Variants in FKBP9 observed in about 807,000 individuals in gnomAD.
FKBP9 encodes FKBP prolyl isomerase 9.
In FKBP9, 27 loss-of-function variants were observed where a neutral mutation model predicts 55.6. That is an observed-to-expected ratio of 0.49 (90% CI 0.36 to 0.67). FKBP9 has a LOEUF of 0.67. FKBP9 is among the 30% of genes least tolerant of loss of function. The pLI, the probability that FKBP9 is intolerant of heterozygous loss-of-function variation, is 0.00. For synonymous variants in FKBP9, 267 were observed against 296.5 expected (o/e 0.90, Z 1.02); for missense variants, 539 against 742.8 (o/e 0.73, Z 3.19).
chr7:32,970,812 G>T (rs1784237102), intron 1 of FKBP9, among the ~76,000 whole-genome samples: 1 of 151,956 alleles, frequency 6.6e-6, no homozygotes, highest in South Asian at 2.1e-4. Flanking sequence ...TATATATAAA[G>T]TTATTTTGTC....
chr7:32,981,426 G>T (rs557978283), intron 5 of FKBP9, among the ~76,000 whole-genome samples: 2 of 152,166 alleles, frequency 1.3e-5, no homozygotes, highest in Non-Finnish European at 2.9e-5. Context: ...ATCAGCCATG[G>T]CCTGCAATTG....
intron 6 of FKBP9, chr7:32,994,934 T>C (rs1440361788): frequency 5.9e-6 from 1 of 170,840 alleles, no homozygotes; most frequent in East Asian, 1.1e-4. Flanking sequence ...TGTTATTCTC[T>C]TGAATAAGTA....
At position 32,988,869 on chromosome 7, in the gene FKBP9, C is replaced by T. The variant is rs1390152848; in HGVS notation, c.1039+217C>T. The T allele has an allele frequency of 2.0e-5, 10 of 512,090 alleles. No homozygotes were observed. The East Asian group carries it at 2.6e-4, about 13-fold the overall frequency. The allele number at this position is 512,090 out of a possible 1,614,324, so 31.7% of individuals were successfully genotyped here. On this transcript the variant is annotated intron_variant, in intron 6 of 9. Coordinates refer to ENST00000242209, the MANE Select transcript of FKBP9 (RefSeq NM_007270.5). ...TCAGCCTTCAGAGTAGCTGGCACTA[C>T]AGGCACGCACCACCACACCCTGCAC...
Position 32,957,445 on chromosome 7 carries a change from G to A in FKBP9, c.-129G>A. 2 of 633,674 alleles carry A rather than the reference G, an allele frequency of 3.2e-6. No homozygotes were observed. The highest frequency in any genetic ancestry group is 4.6e-6 in the Non-Finnish European group (2 of 434,638). 39.3% of individuals were successfully genotyped at this position (633,674 alleles called of 1,614,324 possible). A position where few individuals can be genotyped will look rare whatever the true frequency, so the allele number is the denominator to read the frequency against. On this transcript the variant is annotated 5_prime_UTR_variant, in exon 1 of 10. Coordinates refer to ENST00000242209, the MANE Select transcript of FKBP9 (RefSeq NM_007270.5). ...CGGGAGGGCGGGCGGCCGGGGAGAC[G>A]GGGTGGCGGCTGCAGCCCGGGTAGG...
chr7:32,966,190 C>CAA (rs60022113), intron 1 of FKBP9, among the ~76,000 whole-genome samples: 2,418 of 77,014 alleles, frequency 0.031, 134 homozygotes, highest in African/African-American at 0.098. Flanking sequence ...GACGCCATCT[C>CAA]AAAAAAAAAA....
intron 1 of FKBP9, among the ~76,000 whole-genome samples, chr7:32,962,035 A>G (rs943362749): frequency 2.0e-5 from 3 of 152,116 alleles, no homozygotes; most frequent in Admixed American, 6.5e-5. Context: ...CCGGTCATGG[A>G]AAAAGTGAAT....
intron 4 of FKBP9, among the ~76,000 whole-genome samples, chr7:32,976,826 T>C (rs1417434363): frequency 6.6e-6 from 1 of 152,176 alleles, no homozygotes; most frequent in Non-Finnish European, 1.5e-5. Context: ...TGTCTGATGA[T>C]TGAGTTGCAG....
intron 9 of FKBP9, among the ~76,000 whole-genome samples, chr7:33,003,886 T>C (rs1784979831): frequency 6.6e-6 from 1 of 152,086 alleles, no homozygotes; most frequent in South Asian, 2.1e-4. Flanking sequence ...TCTGGATTTG[T>C]AGCTCCAGTC....
intron 5 of FKBP9, among the ~76,000 whole-genome samples, chr7:32,986,137 C>T (rs1329210147): frequency 6.6e-6 from 1 of 152,204 alleles, no homozygotes; most frequent in Admixed American, 6.5e-5. Flanking sequence ...CCCACCCCGC[C>T]ACTCCGTCTC....
In FKBP9 at chr7:33,006,482, T is replaced by C. The variant is rs565365373; in HGVS notation, c.*1131T>C. 2.5e-5 allele frequency: 5 copies of C among 201,926 alleles called. No homozygotes were observed. Among genetic ancestry groups the C allele is most frequent in the South Asian group, 1.9e-4 (1 of 5,224 alleles). 12.5% of individuals were successfully genotyped at this position (201,926 alleles called of 1,614,324 possible). On this transcript the variant is annotated 3_prime_UTR_variant, in exon 10 of 10. Transcript: ENST00000242209. Reference sequence around the variant, plus strand: ...TCTTTTTTATCTTCCCTGAACCATATTGATGAGATAAATAGGGCTGGGGGC... The same window carrying C: ...TCTTTTTTATCTTCCCTGAACCATACTGATGAGATAAATAGGGCTGGGGGC...
At chr7:32,986,337 C>G (rs548719148) in intron 5 of FKBP9, among the ~76,000 whole-genome samples, 35 of 152,368 alleles carry the variant, frequency 2.3e-4, no homozygotes, top group Admixed American at 7.8e-4. Flanking sequence ...CTTGGTGTCC[C>G]TTTGTCGGGA....
intron 6 of FKBP9, among the ~76,000 whole-genome samples, chr7:32,992,330 C>T (rs1784701279): frequency 6.8e-6 from 1 of 146,328 alleles, no homozygotes; most frequent in South Asian, 2.2e-4. Flanking sequence ...CAGAGGAAAC[C>T]CACCCCCCGC....
At chr7:32,976,704 C>T (rs1326984754) in intron 4 of FKBP9, among the ~76,000 whole-genome samples, 1 of 152,094 alleles carries the variant, frequency 6.6e-6, no homozygotes, top group African/African-American at 2.4e-5. Flanking sequence ...TTTTAGGTAC[C>T]CAATAGCCTC....
intron 1 of FKBP9, among the ~76,000 whole-genome samples, chr7:32,968,427 C>G (rs1257737422): frequency 6.6e-6 from 1 of 152,130 alleles, no homozygotes; most frequent in Admixed American, 6.6e-5. Flanking sequence ...TTTTCTAGAG[C>G]AAGTACATTT....
chr7:32,965,843 A>ATATATATGTG (rs1309792242), intron 1 of FKBP9, among the ~76,000 whole-genome samples: 4 of 41,412 alleles, frequency 9.7e-5, no homozygotes, highest in African/African-American at 3.9e-4. Flanking sequence ...ATATATATAT[A>ATATATATGTG]TGTGTGTACA....
intron 7 of FKBP9, among the ~76,000 whole-genome samples, chr7:32,996,929 G>A (rs2127988351): frequency 6.6e-6 from 1 of 150,512 alleles, no homozygotes; most frequent in Non-Finnish European, 1.5e-5. Flanking sequence ...CTAGTAGCTG[G>A]GACTACAGGC....
intron 8 of FKBP9, among the ~76,000 whole-genome samples, chr7:33,001,352 G>C (rs4723229): frequency 0.049 from 7,516 of 152,108 alleles, 420 homozygotes; most frequent in African/African-American, 0.12. Context: ...AGACCATCCT[G>C]GTTAACAGGG....
intron 9 of FKBP9, among the ~76,000 whole-genome samples, chr7:33,003,189 AG>A (rs1784964763): frequency 6.6e-6 from 1 of 152,190 alleles, no homozygotes; most frequent in African/African-American, 2.4e-5. Flanking sequence ...GAAACTGCAC[AG>A]AGAAGGTAAA....
intron 1 of FKBP9, among the ~76,000 whole-genome samples, chr7:32,963,340 A>G (rs1290157921): frequency 2.0e-5 from 3 of 148,196 alleles, no homozygotes; most frequent in Admixed American, 2.0e-4. Flanking sequence ...GGACTTTGGT[A>G]TTTTTTTTTT....
Sources: gnomAD v4.1 joint callset for allele counts (sites outside exome capture counted in the v4.1 genomes callset) on GRCh38, gnomAD v4.1.1 for gene constraint, MANE v1.5 for transcripts, NCBI Gene and HGNC (gene_info 2026-07-23, HGNC 2026-07-21) for gene names.